RTF2: variants seen among roughly 807,000 people sequenced by gnomAD.
RTF2 encodes the protein replication termination factor 2.
Under a neutral mutation model 38.0 loss-of-function variants are expected in RTF2, and 18 were observed. The ratio of observed to expected loss-of-function variants is 0.47; its 90% CI spans 0.33 to 0.70. The LOEUF (loss-of-function observed/expected upper bound fraction) is 0.70. RTF2 is among the 30% of genes least tolerant of loss of function. The pLI, the probability that RTF2 is intolerant of heterozygous loss-of-function variation, is 0.02. For synonymous variants in RTF2, 126 were observed against 137.1 expected (o/e 0.92, Z 0.57); for missense variants, 311 against 379.6 (o/e 0.82, Z 1.50).
At chr20:56,481,730 G>A (rs954515012) in intron 4 of RTF2, among the ~76,000 whole-genome samples, 11 of 152,146 alleles carry the variant, frequency 7.2e-5, no homozygotes, top group African/African-American at 2.7e-4. Flanking sequence ...CATTCACAGT[G>A]TTGTACGGTC....
At chr20:56,501,527 T>TA in intron 5 of RTF2, among the ~76,000 whole-genome samples, 1 of 152,330 alleles carries the variant, frequency 6.6e-6, no homozygotes, top group African/African-American at 2.4e-5. Flanking sequence ...GAGTGGCTGT[T>TA]ACCCTGTGTA....
At chr20:56,513,259 G>T (rs574947406) in intron 5 of RTF2, 56 bp from the exon 6 acceptor site, 2 of 1,548,718 alleles carry the variant, frequency 1.3e-6, no homozygotes, top group Non-Finnish European at 1.7e-6. Context: ...GGACTGAAGC[G>T]TGGCCTCCCC....
intron 5 of RTF2, among the ~76,000 whole-genome samples, chr20:56,487,814 A>T (rs572147723): frequency 1.2e-4 from 19 of 152,308 alleles, no homozygotes; most frequent in Admixed American, 1.2e-3. Flanking sequence ...TGGCTTCTAG[A>T]CGGCCTTCGC....
In RTF2 at chr20:56,477,073, G is replaced by A. The variant is rs149439941; in HGVS notation, c.347G>A (p.Arg116Gln). ...GGTGACAAGCACGATGACCTCCAGC[G>A]GGCGCGTTTCATCTGCCCCGTTGTG... ...TKGDKHDDLQ[R>Q]ARFICPVVGL... is the part of the protein sequence containing the mutation. Residue 116 changes from arginine to glutamine, a missense_variant, in exon 4 of 9, where the codon CGG (arginine) becomes CAG (glutamine). By Grantham distance (43) the Arg-to-Gln change is conservative (BLOSUM62 1). Transcript: ENST00000357348. 1.4e-5 allele frequency: 23 copies of A among 1,613,934 alleles called. No individual in the cohort carries two copies. Among genetic ancestry groups the A allele is most frequent in the East Asian group, 2.2e-5 (1 of 44,884 alleles).
At chr20:56,485,333 A>G (rs1982737371) in intron 5 of RTF2, among the ~76,000 whole-genome samples, 1 of 152,228 alleles carries the variant, frequency 6.6e-6, no homozygotes, top group Non-Finnish European at 1.5e-5. Context: ...TTGCGAGTTC[A>G]GTGAACAGAA....
chr20:56,472,278 T>G (rs1333496791), intron 1 of RTF2: 4 of 1,052,138 alleles, frequency 3.8e-6, no homozygotes, highest in Middle Eastern at 2.0e-4. Flanking sequence ...TTTTTTTCTT[T>G]TCTCTTCCTA....
chr20:56,512,840 C>T (rs78378237), intron 5 of RTF2, among the ~76,000 whole-genome samples: 3 of 152,150 alleles, frequency 2.0e-5, no homozygotes, highest in Admixed American at 6.5e-5. Context: ...TACTTCCCCC[C>T]GCAACGAAAC....
intron 4 of RTF2, among the ~76,000 whole-genome samples, chr20:56,480,650 G>C (rs939251442): frequency 6.6e-6 from 1 of 152,184 alleles, no homozygotes; most frequent in Non-Finnish European, 1.5e-5. Context: ...TTGATTTAAA[G>C]TGAGAGACAT....
chr20:56,477,686 A>C (rs1025176169), intron 4 of RTF2, among the ~76,000 whole-genome samples: 1 of 151,896 alleles, frequency 6.6e-6, no homozygotes, highest in African/African-American at 2.4e-5. Context: ...CCCGGCCACT[A>C]ATTTTTATTT....
chr20:56,491,786 G>C, intron 5 of RTF2: 1 of 1,547,368 alleles, frequency 6.5e-7, no homozygotes, highest in Non-Finnish European at 8.7e-7. Context: ...GTAGCGGCCT[G>C]CAGAAAGAAA....
At chr20:56,475,674 G>A (rs1982202490) in intron 3 of RTF2, among the ~76,000 whole-genome samples, 3 of 151,950 alleles carry the variant, frequency 2.0e-5, no homozygotes, top group South Asian at 4.1e-4. Context: ...CTATGATTGG[G>A]TTTCCATGTG....
At chr20:56,510,794 G>C (rs1317429975) in intron 5 of RTF2, among the ~76,000 whole-genome samples, 1 of 152,114 alleles carries the variant, frequency 6.6e-6, no homozygotes, top group Admixed American at 6.5e-5. Flanking sequence ...ACAAAAATTA[G>C]CCAGGCATGG....
intron 4 of RTF2, among the ~76,000 whole-genome samples, chr20:56,480,380 G>C (rs1367597468): frequency 6.6e-6 from 1 of 152,196 alleles, no homozygotes; most frequent in African/African-American, 2.4e-5. Context: ...GCCTTGCTCT[G>C]GGTTAGGCTT....
intron 5 of RTF2, chr20:56,496,992 C>G: frequency 1.3e-6 from 2 of 1,551,684 alleles, no homozygotes; most frequent in Non-Finnish European, 8.7e-7. Context: ...AAAATCCTGT[C>G]CACAAAGATT....
At chr20:56,471,505 T>G (rs1440216296) in intron 1 of RTF2, 1 of 152,142 alleles carries the variant, frequency 6.6e-6, no homozygotes, top group African/African-American at 2.4e-5. Context: ...GAGGCAGAGC[T>G]TGCAGTGAGC....
At chr20:56,491,871 G>T in intron 5 of RTF2, 1 of 926,730 alleles carries the variant, frequency 1.1e-6, no homozygotes, top group Non-Finnish European at 1.7e-6. Context: ...TCCGTCCGGT[G>T]TCAGTGGTGA....
chr20:56,478,829 A>G (rs1600797866), intron 4 of RTF2, among the ~76,000 whole-genome samples: 1 of 152,176 alleles, frequency 6.6e-6, no homozygotes, highest in South Asian at 2.1e-4. Context: ...CATTTTACCC[A>G]CAGTAGACCT....
At chr20:56,488,317 C>T (rs764016554) in intron 5 of RTF2, among the ~76,000 whole-genome samples, 3 of 151,838 alleles carry the variant, frequency 2.0e-5, no homozygotes, top group South Asian at 2.1e-4. Context: ...GCCAAGATCA[C>T]GCCACTGCAC....
chr20:56,483,550 G>T (rs1982631428), intron 4 of RTF2, among the ~76,000 whole-genome samples: 1 of 151,946 alleles, frequency 6.6e-6, no homozygotes, highest in South Asian at 2.1e-4. Context: ...GCTAATCTCA[G>T]ACTCCTGGCC....
Sources: gnomAD v4.1 joint callset for allele counts (sites outside exome capture counted in the v4.1 genomes callset) on GRCh38, gnomAD v4.1.1 for gene constraint, MANE v1.5 for transcripts, NCBI Gene and HGNC (gene_info 2026-07-23, HGNC 2026-07-21) for gene names.